Variants in MMS19 observed in about 807,000 individuals in gnomAD.
MMS19 encodes MMS19 cytosolic iron-sulfur assembly component, also known as MMS19 nucleotide excision repair protein homolog.
A neutral mutation model predicts 129.8 loss-of-function variants in MMS19; 77 were observed. That is an observed-to-expected ratio of 0.59 (90% CI 0.49 to 0.72). The LOEUF is 0.72. MMS19 is among the 30% of genes least tolerant of loss of function. MMS19 has a pLI of 0.00. For synonymous variants in MMS19, 491 were observed against 502.8 expected, an observed-to-expected ratio of 0.98 and a Z score of 0.31; for missense variants, 1,168 against 1,266.3, an observed-to-expected ratio of 0.92 and a Z score of 1.18.
At chr10:97,471,856 G>T (rs2034776559) in intron 8 of MMS19, among the ~76,000 whole-genome samples, 1 of 152,084 alleles carries the variant, frequency 6.6e-6, no homozygotes, top group African/African-American at 2.4e-5. Context: ...AGATAAAACT[G>T]TGGAATTCTC....
Position 97,470,114 on chromosome 10 carries a change from A to C in MMS19, c.846+15T>G. Reference sequence around the variant, plus strand: ...CAAAAGGTAGCTGGGTCCTGCAAGGAGAAAAATCACTCACCAGAGTCTGTA... The same window carrying C: ...CAAAAGGTAGCTGGGTCCTGCAAGGCGAAAAATCACTCACCAGAGTCTGTA... On this transcript the variant is annotated intron_variant, in intron 10 of 30. Coordinates refer to ENST00000438925, the MANE Select transcript of MMS19 (RefSeq NM_022362.5). The C allele has an allele frequency of 6.3e-7, 1 of 1,587,238 alleles. No individual in the cohort carries two copies. Among genetic ancestry groups the C allele is most frequent in the South Asian group, 1.1e-5 (1 of 88,174 alleles).
chr10:97,463,979 A>G lies in MMS19; in HGVS notation c.1791T>C (p.Ala597=), dbSNP rs1179285772. 1.2e-6 allele frequency: 2 copies of G among 1,613,238 alleles called. No homozygotes were observed. The highest frequency in any genetic ancestry group is 1.3e-5 in the African/African-American group (1 of 74,946). The change falls in exon 19 of 31, where the codon GCT becomes GCC. Residue 597 remains alanine (A), a synonymous_variant. Coordinates refer to ENST00000438925, the MANE Select transcript of MMS19 (RefSeq NM_022362.5). ...NMVAQSSDVI[A]VCQSLRQMAE... ...CCATCTGTCTGAGGCTCTGACAGAC[A>G]GCAATAACGTCACTGGATTGTGCAA...
In MMS19 at chr10:97,462,091, C is replaced by T. The variant is rs754414862; in HGVS notation, c.2041G>A (p.Val681Met). The change falls in exon 21 of 31, where the codon GTG becomes ATG. Residue 681 changes from valine (V) to methionine (M), a missense_variant. Physicochemically the swap from Val to Met is conservative, Grantham distance 21. This residue lies in a region of MMS19 where 831 missense variants were observed against 910.8 expected (regional missense o/e 0.91). Coordinates refer to ENST00000438925, the MANE Select transcript of MMS19 (RefSeq NM_022362.5). ...ELAAQSVTHI[V>M]PLFLDGNVSF... ...ACGTTGCCATCCAAGAAGAGGGGCA[C>T]AATGTGTGTCACACTCTGGGCAGCT... 2 of 1,584,182 alleles carry T rather than the reference C, an allele frequency of 1.3e-6. No homozygotes were observed. The highest frequency in any genetic ancestry group is 1.7e-6 in the Non-Finnish European group (2 of 1,164,748).
intron 9 of MMS19, 121 bp from the exon 10 acceptor site, chr10:97,470,324 G>C (rs895282346): frequency 8.3e-6 from 6 of 718,610 alleles, no homozygotes; most frequent in Middle Eastern, 5.9e-4. Context: ...CTGTACTCAA[G>C]TCAGGAGCTA....
At chr10:97,469,823 G>C in intron 10 of MMS19, 100 bp from the exon 11 acceptor site, 1 of 976,796 alleles carries the variant, frequency 1.0e-6, no homozygotes, top group Non-Finnish European at 1.6e-6. Context: ...CCTGGTCTCA[G>C]CAGAAAAACC....
At chr10:97,492,032 G>A (rs29001264) in intron 1 of MMS19, among the ~76,000 whole-genome samples, 7,070 of 151,084 alleles carry the variant, frequency 0.047, 480 homozygotes, top group African/African-American at 0.15. Flanking sequence ...TAGCTACTCC[G>A]AAGGCTGAGG....
chr10:97,461,042 TAC>T, intron 23 of MMS19, 35 bp from the exon 24 acceptor site: 1 of 1,483,180 alleles, frequency 6.7e-7, no homozygotes, highest in Non-Finnish European at 9.2e-7. Context: ...ACATAAAGGC[TAC>T]ACATTTTCCC....
In MMS19 at chr10:97,480,995, T is replaced by C; in HGVS notation, c.209A>G (p.Gln70Arg). The C allele has an allele frequency of 6.2e-7, 1 of 1,610,612 alleles. No individual in the cohort carries two copies. The highest frequency in any genetic ancestry group is 8.5e-7 in the Non-Finnish European group (1 of 1,178,264). ...GTGGAGTAGCACCTGTGACAAAAGC[T>C]GGATTGCTCGTGCCCGAGTTCGGGG... is the stretch of plus-strand genomic sequence containing the variant. Reference protein sequence around the residue: ...PEPRTRARAIQLLSQVLLHCH... With the variant: ...PEPRTRARAIRLLSQVLLHCH... Residue 70 changes from glutamine to arginine, a missense_variant, in exon 3 of 31, where the codon CAG becomes CGG. Gln to Arg is a conservative substitution (Grantham distance 43). Coordinates refer to ENST00000438925, the MANE Select transcript of MMS19 (RefSeq NM_022362.5).
At position 97,458,811 on chromosome 10, in the gene MMS19, G is replaced by C. The variant is rs770396860; in HGVS notation, c.3054C>G (p.Ala1018=). Reference sequence around the variant, plus strand: ...ACCTAGAAACTCACCACTCCCCTCTGGCTGACACTGCTTCCTTGCGCACCA... The same window carrying C: ...ACCTAGAAACTCACCACTCCCCTCTCGCTGACACTGCTTCCTTGCGCACCA... ...KRLVRKEAVS[A]RGEWFLLGSP... The change falls in exon 30 of 31, where the codon GCC becomes GCG. Residue 1018 remains alanine (A), a synonymous_variant. Coordinates refer to ENST00000438925, the MANE Select transcript of MMS19 (RefSeq NM_022362.5). 6.2e-7 allele frequency: 1 copy of C among 1,613,958 alleles called. No homozygotes were observed. The highest frequency in any genetic ancestry group is 1.1e-5 in the South Asian group (1 of 91,078).
At position 97,477,422 on chromosome 10, in the gene MMS19, G is replaced by C. The variant is rs200489711; in HGVS notation, c.424-6C>G. On this transcript the variant is annotated splice_polypyrimidine_tract_variant and splice_region_variant and intron_variant, in intron 5 of 30. Transcript: ENST00000438925. ...CGGTCCACCTGTGGCAGGGACTTGGGGGTGGGGGAGAAAGAAGTGAAGAAA... is the reference window on the plus strand; with the variant it reads ...CGGTCCACCTGTGGCAGGGACTTGGCGGTGGGGGAGAAAGAAGTGAAGAAA... 257 of 1,613,974 alleles carry C rather than the reference G, an allele frequency of 1.6e-4. 1 individual carries two copies. The Middle Eastern group carries it at 7.9e-3, about 50-fold the overall frequency.
At chr10:97,497,562 A>G (rs536757698) in intron 1 of MMS19, among the ~76,000 whole-genome samples, 1 of 151,894 alleles carries the variant, frequency 6.6e-6, no homozygotes, top group Admixed American at 6.6e-5. Context: ...TCAGAACTCC[A>G]CGGAAGCCTG....
chr10:97,473,865 AG>A (rs1406604481), intron 8 of MMS19, among the ~76,000 whole-genome samples: 2 of 152,150 alleles, frequency 1.3e-5, no homozygotes, highest in African/African-American at 4.8e-5. Context: ...AAAGTTGGCC[AG>A]GCATGGTGGC....
chr10:97,466,366 CAG>C, intron 16 of MMS19, 136 bp downstream of exon 16: 1 of 791,182 alleles, frequency 1.3e-6, no homozygotes. Context: ...GGTTAGCAGC[CAG>C]AGTCTAACAC....
intron 3 of MMS19, chr10:97,480,476 C>A (rs2036587408): frequency 1.1e-5 from 4 of 367,464 alleles, no homozygotes; most frequent in South Asian, 8.4e-5. Context: ...TCAAAGCATG[C>A]CGATATTTCA....
chr10:97,459,772 A>C (rs2031186412), intron 26 of MMS19, 31 bp from the exon 27 acceptor site: 11 of 1,525,544 alleles, frequency 7.2e-6, no homozygotes, highest in Non-Finnish European at 8.1e-6. Flanking sequence ...TAGGGGAGAA[A>C]TTGGACTTAG....
In MMS19 at chr10:97,459,731, T is replaced by C. The variant is rs2031160669; in HGVS notation, c.2667A>G (p.Pro889=). ...CATGAGAAAGACCCTTCAAGTAGTTTGGCTTCACATCTGTAAAAAATGGAA... is the reference window on the plus strand; with the variant it reads ...CATGAGAAAGACCCTTCAAGTAGTTCGGCTTCACATCTGTAAAAAATGGAA... ...GFHAAPQDVK[P]NYLKGLSHVL... The change falls in exon 27 of 31, where the codon CCA becomes CCG. Residue 889 remains proline, a synonymous_variant. Coordinates refer to ENST00000438925, the MANE Select transcript of MMS19 (RefSeq NM_022362.5). The C allele has an allele frequency of 6.2e-7, 1 of 1,610,594 alleles. No individual in the cohort carries two copies. The highest frequency in any genetic ancestry group is 8.5e-7 in the Non-Finnish European group (1 of 1,178,362).
intron 8 of MMS19, among the ~76,000 whole-genome samples, chr10:97,473,585 A>G (rs528272697): frequency 1.3e-5 from 2 of 151,646 alleles, no homozygotes; most frequent in Admixed American, 6.6e-5. Context: ...GGAAGAACCA[A>G]TATCTACTCT....
intron 1 of MMS19, among the ~76,000 whole-genome samples, chr10:97,492,109 G>C (rs951625075): frequency 7.2e-6 from 1 of 138,972 alleles, no homozygotes; most frequent in African/African-American, 2.7e-5. Flanking sequence ...TTGCACTCCA[G>C]CCTGGGCTAC....
chr10:97,485,688 T>C (rs2135488252), intron 1 of MMS19, among the ~76,000 whole-genome samples: 1 of 152,296 alleles, frequency 6.6e-6, no homozygotes, highest in Non-Finnish European at 1.5e-5. Context: ...CCTCAGGTGA[T>C]CCACCCGCCT....
Sources: gnomAD v4.1 joint callset for allele counts (sites outside exome capture counted in the v4.1 genomes callset) on GRCh38, gnomAD v4.1.1 for gene constraint, gnomAD v4.1.1 regional missense constraint, MANE v1.5 for transcripts, NCBI Gene and HGNC (gene_info 2026-07-23, HGNC 2026-07-21) for gene names.